The following SMYD3 variants were observed in gnomAD, a reference collection of about 807,000 sequenced individuals.
The protein encoded by SMYD3 is histone-lysine N-methyltransferase SMYD3.
Under a neutral mutation model 57.7 loss-of-function variants are expected in SMYD3, and 36 were observed. The observed-to-expected ratio is 0.62, with a 90% confidence interval of 0.48 to 0.82. SMYD3 has a LOEUF of 0.82. SMYD3 is among the 40% of genes least tolerant of loss of function. SMYD3 has a pLI of 0.00. For synonymous variants in SMYD3, 211 were observed against 195.0 expected, an observed-to-expected ratio of 1.08 and a Z score of -0.68; for missense variants, 515 against 538.8, an observed-to-expected ratio of 0.96 and a Z score of 0.44.
intron 10 of SMYD3, among the ~76,000 whole-genome samples, chr1:245,830,608 T>C (rs2049777983): frequency 6.6e-6 from 1 of 152,208 alleles, no homozygotes; most frequent in Non-Finnish European, 1.5e-5. Context: ...AGAATACCCC[T>C]CTGGGGAAGT....
intron 5 of SMYD3, among the ~76,000 whole-genome samples, chr1:246,130,770 G>A (rs2061575234): frequency 6.6e-6 from 1 of 152,022 alleles, no homozygotes; most frequent in Non-Finnish European, 1.5e-5. Context: ...CTTGAGAGTT[G>A]GGCTCCTTCC....
In SMYD3 at chr1:246,376,943, T is replaced by C. The variant is rs147366665; in HGVS notation, c.165-21849A>G. 3.6e-3 allele frequency among the ~76,000 whole-genome samples: 540 copies of C among 152,000 alleles called. 18 individuals are homozygous for C. The highest frequency in any genetic ancestry group is 0.019 in the East Asian group (98 of 5,168). ...GGTGAAACCCCATCTCTACTAAAAA[T>C]ACAAAAATTATCTGGGCATGGTGGC... On this transcript the variant is annotated intron_variant, in intron 1 of 11. Transcript: ENST00000490107.
intron 1 of SMYD3, among the ~76,000 whole-genome samples, chr1:246,411,288 C>G (rs1469547509): frequency 6.6e-6 from 1 of 152,134 alleles, no homozygotes; most frequent in Non-Finnish European, 1.5e-5. Context: ...CCATCTCACA[C>G]CAGTTAGAAT....
At chr1:246,034,745 G>A (rs2059739150) in intron 5 of SMYD3, 1 of 152,704 alleles carries the variant, frequency 6.5e-6, no homozygotes, top group South Asian at 2.1e-4. Context: ...CTGTCGGACT[G>A]CGTGAAGAAC....
intron 1 of SMYD3, among the ~76,000 whole-genome samples, chr1:246,462,982 T>C (rs1172469130): frequency 6.6e-6 from 1 of 151,598 alleles, no homozygotes. Flanking sequence ...GTAGTAGGCA[T>C]GGAAAGGAGA....
At chr1:246,226,881 T>C (rs2063337904) in intron 5 of SMYD3, among the ~76,000 whole-genome samples, 1 of 152,224 alleles carries the variant, frequency 6.6e-6, no homozygotes, top group African/African-American at 2.4e-5. Context: ...TAATGAACTT[T>C]AAAGCTCAAG....
intron 5 of SMYD3, among the ~76,000 whole-genome samples, chr1:246,227,075 G>A (rs1462135247): frequency 6.6e-6 from 1 of 152,128 alleles, no homozygotes; most frequent in Non-Finnish European, 1.5e-5. Flanking sequence ...ATTTCAAACA[G>A]TCTTAGATCA....
At chr1:246,324,397 A>C (rs1037610230) in intron 5 of SMYD3, among the ~76,000 whole-genome samples, 1 of 149,464 alleles carries the variant, frequency 6.7e-6, no homozygotes, top group African/African-American at 2.5e-5. Flanking sequence ...CCTGGGCGAC[A>C]AGAGCGAAAA....
chr1:246,329,712 A>C (rs2065427566), intron 4 of SMYD3, among the ~76,000 whole-genome samples: 1 of 152,042 alleles, frequency 6.6e-6, no homozygotes, highest in African/African-American at 2.4e-5. Flanking sequence ...CCCATTTGTC[A>C]ATTTTTGCTT....
At chr1:245,756,281 CT>C (rs577207881) in intron 11 of SMYD3, among the ~76,000 whole-genome samples, 19 of 151,654 alleles carry the variant, frequency 1.3e-4, no homozygotes, top group African/African-American at 4.3e-4. Context: ...ACATTTTACC[CT>C]CCCCCACTCC....
At chr1:245,993,568 CAAA>C (rs10611495) in intron 5 of SMYD3, among the ~76,000 whole-genome samples, 1 of 24,404 alleles carries the variant, frequency 4.1e-5, no homozygotes, top group African/African-American at 6.5e-5. Flanking sequence ...GACGTTGTCT[CAAA>C]AAAAAAAAAG....
chr1:245,937,360 T>C (rs1028787143), intron 5 of SMYD3, among the ~76,000 whole-genome samples: 4 of 152,246 alleles, frequency 2.6e-5, no homozygotes, highest in African/African-American at 7.2e-5. Flanking sequence ...CCACAGATTT[T>C]CATTTTCTAA....
rs569340261 is a variant in SMYD3 at position 246,236,459 on chromosome 1, G to C, written c.531+90742C>G. Among the ~76,000 whole-genome samples the C allele has an allele frequency of 7.2e-5, 11 of 152,120 alleles. No individual in the cohort carries two copies. In the East Asian group the frequency reaches 7.7e-4, roughly 11 times the overall value. On this transcript the variant is annotated intron_variant, in intron 5 of 11. Coordinates refer to ENST00000490107, the MANE Select transcript of SMYD3 (RefSeq NM_001167740.2). Reference sequence around the variant, plus strand: ...AGATGGAGTCTCACTCTGTCGCCCAGGCTGGAGTGCAGTGGTGCGATCTCG... The same window carrying C: ...AGATGGAGTCTCACTCTGTCGCCCACGCTGGAGTGCAGTGGTGCGATCTCG...
At chr1:246,215,063 G>A (rs757266285) in intron 5 of SMYD3, among the ~76,000 whole-genome samples, 21 of 151,870 alleles carry the variant, frequency 1.4e-4, no homozygotes, top group Non-Finnish European at 2.4e-4. Context: ...ATGATTCATC[G>A]GTCATCACCA....
chr1:245,807,674 A>G (rs1396490200), intron 10 of SMYD3, among the ~76,000 whole-genome samples: 8 of 152,172 alleles, frequency 5.3e-5, no homozygotes, highest in Non-Finnish European at 1.2e-4. Flanking sequence ...CTCACCATTA[A>G]TAACAAAACA....
At position 246,386,090 on chromosome 1, in the gene SMYD3, G is replaced by A. The variant is rs568712197; in HGVS notation, c.165-30996C>T. Among the ~76,000 whole-genome samples the A allele has an allele frequency of 4.1e-4, 62 of 152,158 alleles. 1 individual carries two copies. Among genetic ancestry groups the A allele is most frequent in the African/African-American group, 1.4e-3 (57 of 41,520 alleles). ...TTTTTAGTAGAGACAGGGTTTCACC[G>A]TGCTAGCCAGGATGGTCTCGATCTC... On this transcript the variant is annotated intron_variant, in intron 1 of 11. Transcript: ENST00000490107.
chr1:245,780,579 G>A (rs2046789786), intron 10 of SMYD3, among the ~76,000 whole-genome samples: 1 of 150,352 alleles, frequency 6.7e-6, no homozygotes, highest in Non-Finnish European at 1.5e-5. Flanking sequence ...CTTTTTTTTT[G>A]CATGAGGCAA....
intron 5 of SMYD3, among the ~76,000 whole-genome samples, chr1:245,931,995 C>T (rs914367472): frequency 6.6e-6 from 1 of 152,132 alleles, no homozygotes; most frequent in African/African-American, 2.4e-5. Context: ...TCTATATATA[C>T]TTATGTATAA....
intron 1 of SMYD3, among the ~76,000 whole-genome samples, chr1:246,442,523 G>A (rs2067485783): frequency 6.6e-6 from 1 of 151,750 alleles, no homozygotes; most frequent in South Asian, 2.1e-4. Context: ...ACTCCAGGCT[G>A]GGCTATAAGA....
Sources: gnomAD v4.1 joint callset for allele counts (sites outside exome capture counted in the v4.1 genomes callset) on GRCh38, gnomAD v4.1.1 for gene constraint, MANE v1.5 for transcripts, NCBI Gene and HGNC (gene_info 2026-07-23, HGNC 2026-07-21) for gene names.